RAB3GAP2: variants seen among roughly 807,000 people sequenced by gnomAD.
The protein encoded by RAB3GAP2 is rab3 GTPase-activating protein non-catalytic subunit.
RAB3GAP2 carries 87 observed loss-of-function variants against 185.3 expected under a neutral mutation model. That is an observed-to-expected ratio of 0.47 (90% CI 0.39 to 0.56). RAB3GAP2 has a LOEUF of 0.56. RAB3GAP2 is among the 20% of genes least tolerant of loss of function. The pLI is 0.00. For missense variants in RAB3GAP2, 1,492 were observed against 1,638.2 expected, an observed-to-expected ratio of 0.91 and a Z score of 1.54; for synonymous variants, 554 against 576.1, an observed-to-expected ratio of 0.96 and a Z score of 0.55.
chr1:220,151,888 T>C, intron 33 of RAB3GAP2, 124 bp from the exon 34 acceptor site: 1 of 1,026,082 alleles, frequency 9.7e-7, no homozygotes, highest in Non-Finnish European at 1.4e-6. Context: ...TATCTTTTGA[T>C]TGTATACAAC....
At chr1:220,165,064 C>G (rs1404152595) in intron 26 of RAB3GAP2, among the ~76,000 whole-genome samples, 1 of 151,582 alleles carries the variant, frequency 6.6e-6, no homozygotes, top group Non-Finnish European at 1.5e-5. Flanking sequence ...GTTTGAACAT[C>G]ATAGCAATAT....
rs954152134 is a variant in RAB3GAP2 at position 220,197,150 on chromosome 1, G to A, written c.812-752C>T. ...TTACAGACGCGCACCACCATGCCCA[G>A]CTAATTTTTGTATTTTTAGTAGAGA... is the stretch of plus-strand genomic sequence containing the variant. On this transcript the variant is annotated intron_variant, in intron 9 of 34. Transcript: ENST00000358951. Among the ~76,000 whole-genome samples the A allele has an allele frequency of 2.0e-5, 3 of 151,792 alleles. No individual in the cohort carries two copies. In the East Asian group the frequency reaches 5.9e-4, roughly 30 times the overall value.
chr1:220,263,802 A>G (rs913091211), intron 1 of RAB3GAP2, among the ~76,000 whole-genome samples: 8 of 152,004 alleles, frequency 5.3e-5, no homozygotes, highest in Non-Finnish European at 1.0e-4. Flanking sequence ...GTACGCTATT[A>G]TGCCAACAAA....
intron 9 of RAB3GAP2, among the ~76,000 whole-genome samples, chr1:220,198,251 A>G (rs1161955774): frequency 6.6e-6 from 1 of 152,164 alleles, no homozygotes; most frequent in African/African-American, 2.4e-5. Context: ...AAAATAGCTG[A>G]TCATTGCTAA....
At chr1:220,155,250 C>A (rs1657837437) in intron 31 of RAB3GAP2, among the ~76,000 whole-genome samples, 1 of 152,170 alleles carries the variant, frequency 6.6e-6, no homozygotes, top group Admixed American at 6.5e-5. Flanking sequence ...AAATGACCCA[C>A]AATCTTGGGT....
At position 220,172,627 on chromosome 1, in the gene RAB3GAP2, CTT is replaced by C. The variant is rs769425345; in HGVS notation, c.2416+8_2416+9del. The C allele has an allele frequency of 1.9e-5, 30 of 1,578,568 alleles. No individual in the cohort carries two copies. The highest frequency in any genetic ancestry group is 2.3e-5 in the Non-Finnish European group (26 of 1,147,738). On this transcript the variant is annotated splice_region_variant and intron_variant, in intron 22 of 34. Transcript: ENST00000358951. ...AAACTTTGTTGACGAGAGCAACAAA[CTT>C]TGTTTACCTTTCATCTTGCTCAGGA...
chr1:220,172,144 C>G, intron 22 of RAB3GAP2, 95 bp from the exon 23 acceptor site: 1 of 1,222,742 alleles, frequency 8.2e-7, no homozygotes, highest in East Asian at 2.5e-5. Flanking sequence ...AACTAAGTTA[C>G]CTACTGATGT....
intron 2 of RAB3GAP2, among the ~76,000 whole-genome samples, chr1:220,222,328 T>C (rs2102886609): frequency 6.6e-6 from 1 of 152,258 alleles, no homozygotes; most frequent in South Asian, 2.1e-4. Flanking sequence ...AAAAATTCAA[T>C]ATATGAAATA....
intron 1 of RAB3GAP2, among the ~76,000 whole-genome samples, chr1:220,257,766 CA>C (rs1024570370): frequency 5.3e-5 from 8 of 151,004 alleles, no homozygotes; most frequent in Non-Finnish European, 1.0e-4. Context: ...AAAAGCCCTT[CA>C]AAAAAAATCA....
intron 31 of RAB3GAP2, 46 bp from the exon 32 acceptor site, chr1:220,154,103 G>C (rs199713088): frequency 1.3e-6 from 2 of 1,537,422 alleles, no homozygotes; most frequent in Admixed American, 1.9e-5. Context: ...GGATTATTAA[G>C]GGGGGAGAGG....
At chr1:220,173,569 A>T (rs942188727) in intron 21 of RAB3GAP2, among the ~76,000 whole-genome samples, 6 of 152,280 alleles carry the variant, frequency 3.9e-5, no homozygotes, top group African/African-American at 1.4e-4. Context: ...ACATGAAAGA[A>T]GTGAATTTAT....
intron 8 of RAB3GAP2, among the ~76,000 whole-genome samples, chr1:220,203,793 T>C (rs1658907087): frequency 6.6e-6 from 1 of 152,112 alleles, no homozygotes; most frequent in Admixed American, 6.5e-5. Flanking sequence ...GTATAAAAAT[T>C]TAAACTAATT....
At chr1:220,190,953 T>G (rs543981659) in intron 14 of RAB3GAP2, 115 bp downstream of exon 14, 1 of 1,015,760 alleles carries the variant, frequency 9.8e-7, no homozygotes, top group African/African-American at 1.6e-5. Context: ...CAATAAAGAA[T>G]ATTGTAATTC....
chr1:220,157,799 T>G lies in RAB3GAP2; in HGVS notation c.3336+3A>C. The G allele has an allele frequency of 6.2e-7, 1 of 1,605,588 alleles. No individual in the cohort carries two copies. The highest frequency in any genetic ancestry group is 8.5e-7 in the Non-Finnish European group (1 of 1,172,336). ...TTCAGAATGAAAAATACACCTCTTT[T>G]ACCTCCATTAAGATCTGAAGAAGAT... On this transcript the variant is annotated splice_donor_region_variant and intron_variant, in intron 30 of 34. Coordinates refer to ENST00000358951, the MANE Select transcript of RAB3GAP2 (RefSeq NM_012414.4).
intron 1 of RAB3GAP2, among the ~76,000 whole-genome samples, chr1:220,261,177 G>A (rs1660129525): frequency 1.3e-5 from 2 of 152,112 alleles, no homozygotes; most frequent in African/African-American, 4.8e-5. Context: ...ATTGTACAAA[G>A]AAAAGTAATC....
intron 24 of RAB3GAP2, among the ~76,000 whole-genome samples, chr1:220,170,079 C>A (rs1020066612): frequency 5.3e-5 from 8 of 152,134 alleles, no homozygotes; most frequent in African/African-American, 1.9e-4. Context: ...CAAAGGAATA[C>A]TATGCAGCCA....
At chr1:220,272,178 C>G (rs1388726986) in intron 1 of RAB3GAP2, 45 bp downstream of exon 1, 30 of 1,506,198 alleles carry the variant, frequency 2.0e-5, no homozygotes, top group Non-Finnish European at 2.5e-5. Flanking sequence ...GAGCAGAGGC[C>G]GCGGGTGACG....
intron 26 of RAB3GAP2, among the ~76,000 whole-genome samples, chr1:220,165,805 C>T (rs142434726): frequency 2.6e-5 from 4 of 152,232 alleles, no homozygotes; most frequent in African/African-American, 9.6e-5. Flanking sequence ...TTTAGGAGAA[C>T]ATTGAAACGA....
intron 21 of RAB3GAP2, among the ~76,000 whole-genome samples, chr1:220,181,060 A>C (rs1658395345): frequency 6.6e-6 from 1 of 152,244 alleles, no homozygotes; most frequent in African/African-American, 2.4e-5. Flanking sequence ...AAAGTATTAT[A>C]AGTAACCTAG....
Sources: gnomAD v4.1 joint callset for allele counts (sites outside exome capture counted in the v4.1 genomes callset) on GRCh38, gnomAD v4.1.1 for gene constraint, MANE v1.5 for transcripts, NCBI Gene and HGNC (gene_info 2026-07-23, HGNC 2026-07-21) for gene names.